Variants in DLC1 observed in about 807,000 individuals in gnomAD.
DLC1 encodes rho GTPase-activating protein 7.
DLC1 carries 54 observed loss-of-function variants against 140.3 expected under a neutral mutation model. That is an observed-to-expected ratio of 0.38 (90% CI 0.31 to 0.48). The LOEUF is 0.48. DLC1 is among the 20% of genes least tolerant of loss of function. The pLI, the probability that DLC1 is intolerant of heterozygous loss-of-function variation, is 0.96. For synonymous variants in DLC1, 986 were observed against 728.1 expected, an observed-to-expected ratio of 1.35 and a Z score of -5.70; for missense variants, 2,536 against 1,907.0, an observed-to-expected ratio of 1.33 and a Z score of -6.14.
At chr8:13,275,361 T>A (rs1037295610) in intron 5 of DLC1, among the ~76,000 whole-genome samples, 1 of 152,222 alleles carries the variant, frequency 6.6e-6, no homozygotes, top group African/African-American at 2.4e-5. Context: ...AGGCCACCTC[T>A]AATATTTGTA....
At chr8:13,446,975 C>A (rs289634) in intron 2 of DLC1, among the ~76,000 whole-genome samples, 81,646 of 150,664 alleles carry the variant, frequency 0.54, 22,833 homozygotes, top group African/African-American at 0.69. Context: ...TGAAAGACAA[C>A]GGAAGAAGGA....
chr8:13,328,176 G>T (rs1833447529), intron 4 of DLC1, among the ~76,000 whole-genome samples: 1 of 152,156 alleles, frequency 6.6e-6, no homozygotes, highest in Non-Finnish European at 1.5e-5. Context: ...GTAGATAAAT[G>T]ATGTGATTTG....
At chr8:13,312,828 G>T (rs918600279) in intron 4 of DLC1, among the ~76,000 whole-genome samples, 1 of 152,004 alleles carries the variant, frequency 6.6e-6, no homozygotes. Context: ...TGTTTTTTAA[G>T]TCTGATCTAT....
At chr8:13,568,012 G>A in intron 1 of DLC1, 1 of 1,453,228 alleles carries the variant, frequency 6.9e-7, no homozygotes, top group African/African-American at 1.4e-5. Flanking sequence ...AGGCACTTGG[G>A]AAACTAACTT....
At position 13,527,121 on chromosome 8, in the gene DLC1, C is replaced by T. The variant is rs188734255; in HGVS notation, c.-125-26925G>A. 1.6e-3 allele frequency among the ~76,000 whole-genome samples: 243 copies of T among 152,226 alleles called. 1 individual carries two copies. Among genetic ancestry groups the T allele is most frequent in the African/African-American group, 5.7e-3 (236 of 41,552 alleles). On this transcript the variant is annotated intron_variant, in intron 1 of 1. Transcript: ENST00000631382. The stretch of plus-strand genomic sequence containing the variant: ...GTTTTATTTATTTTATAACTTAAAG[C>T]TACTGATCGATTGAGTGACTGTTGT...
intron 5 of DLC1, among the ~76,000 whole-genome samples, chr8:13,141,908 G>C (rs187744497): frequency 6.6e-6 from 1 of 152,278 alleles, no homozygotes; most frequent in African/African-American, 2.4e-5. Context: ...TTATGATATG[G>C]TTAGATTTTG....
intron 7 of DLC1, among the ~76,000 whole-genome samples, chr8:13,104,204 C>G (rs1585631748): frequency 1.3e-5 from 2 of 152,204 alleles, no homozygotes; most frequent in East Asian, 3.9e-4. Context: ...CCAAATCTTA[C>G]CGGGTTCAAA....
intron 2 of DLC1, among the ~76,000 whole-genome samples, chr8:13,453,422 A>ATTTTTTTTTTTTTTTTTT (rs1554523043): frequency 6.1e-5 from 2 of 32,564 alleles, no homozygotes; most frequent in Non-Finnish European, 9.5e-5. Flanking sequence ...ATATATATAT[A>ATTTTTTTTTTTTTTTTTT]TGTGTATATA....
intron 5 of DLC1, among the ~76,000 whole-genome samples, chr8:13,128,814 G>C (rs751694827): frequency 1.4e-4 from 20 of 145,874 alleles, no homozygotes; most frequent in Non-Finnish European, 2.7e-4. Flanking sequence ...CAGCCTGGGC[G>C]ACAGAGAGAG....
chr8:13,320,300 C>G (rs1281746530), intron 4 of DLC1, among the ~76,000 whole-genome samples: 4 of 152,150 alleles, frequency 2.6e-5, no homozygotes, highest in Non-Finnish European at 4.4e-5. Context: ...TTTCTGCTCT[C>G]TATGAAATGG....
chr8:13,261,945 T>A (rs892615456), intron 5 of DLC1, among the ~76,000 whole-genome samples: 1 of 152,174 alleles, frequency 6.6e-6, no homozygotes, highest in African/African-American at 2.4e-5. Context: ...CTCTAAGCAT[T>A]GAATGTGTCT....
intron 2 of DLC1, among the ~76,000 whole-genome samples, chr8:13,470,953 A>G (rs112180740): frequency 4.3e-4 from 66 of 152,336 alleles, no homozygotes; most frequent in African/African-American, 1.4e-3. Context: ...ACAATGGAAT[A>G]TTATTTAGCC....
At chr8:13,113,318 ATG>A (rs1386459880) in intron 6 of DLC1, among the ~76,000 whole-genome samples, 2 of 152,170 alleles carry the variant, frequency 1.3e-5, no homozygotes, top group Non-Finnish European at 2.9e-5. Flanking sequence ...TGTATAGTGT[ATG>A]TACTCACCCA....
intron 1 of DLC1, among the ~76,000 whole-genome samples, chr8:13,586,226 A>G (rs1805305206): frequency 6.6e-6 from 1 of 152,182 alleles, no homozygotes; most frequent in Non-Finnish European, 1.5e-5. Context: ...GTAAGGCTTG[A>G]GGCAGGAAGG....
intron 5 of DLC1, among the ~76,000 whole-genome samples, chr8:13,143,043 C>CAAAAAAAAAAA (rs552138951): frequency 8.2e-6 from 1 of 121,442 alleles, no homozygotes; most frequent in Admixed American, 8.3e-5. Flanking sequence ...AACTCCGTCT[C>CAAAAAAAAAAA]AAAAAAAAAA....
intron 1 of DLC1, among the ~76,000 whole-genome samples, chr8:13,598,142 C>G (rs965083956): frequency 2.0e-5 from 3 of 151,558 alleles, no homozygotes; most frequent in Non-Finnish European, 4.4e-5. Flanking sequence ...TCTTTACAAA[C>G]AATTAAAATT....
At chr8:13,506,606 TATAC>T (rs1372237916) in intron 1 of DLC1, among the ~76,000 whole-genome samples, 7 of 132,432 alleles carry the variant, frequency 5.3e-5, no homozygotes, top group African/African-American at 1.5e-4. Flanking sequence ...TATATATATA[TATAC>T]ACATATATAT....
chr8:13,133,223 T>A, intron 5 of DLC1: 1 of 1,415,038 alleles, frequency 7.1e-7, no homozygotes, highest in Non-Finnish European at 9.2e-7. Flanking sequence ...GCGCTCCTGA[T>A]GCGGAGAGGT....
chr8:13,121,161 T>C (rs1485040174), intron 5 of DLC1, among the ~76,000 whole-genome samples: 1 of 152,126 alleles, frequency 6.6e-6, no homozygotes, highest in Non-Finnish European at 1.5e-5. Context: ...TTCCCTGGAT[T>C]CCCTAAAATT....
Sources: allele counts gnomAD v4.1 joint callset (sites outside exome capture counted in the v4.1 genomes callset), GRCh38; gene constraint gnomAD v4.1.1; transcripts MANE v1.5; gene names NCBI Gene and HGNC (gene_info 2026-07-23, HGNC 2026-07-21).